Variants in RAB11B observed in about 807,000 individuals in gnomAD.
RAB11B encodes RAB11B, member RAS oncogene family, also known as ras-related protein Rab-11B.
Under a neutral mutation model 23.7 loss-of-function variants are expected in RAB11B, and 7 were observed. The observed-to-expected ratio is 0.29, with a 90% CI of 0.17 to 0.55. The LOEUF (loss-of-function observed/expected upper bound fraction) is 0.55, where lower values mean the gene tolerates loss of function less well. Ranked by LOEUF, RAB11B falls within the 20% of genes least tolerant of loss-of-function variation. The probability of loss-of-function intolerance (pLI) is 0.93; values close to 1 mark genes in which losing one functional copy is unlikely to be tolerated. For synonymous variants in RAB11B, 138 were observed against 132.0 expected (o/e 1.05, Z -0.31); for missense variants, 189 against 320.0 (o/e 0.59, Z 3.12).
chr19:8,399,026 C>T (rs1045377439), intron 1 of RAB11B, among the ~76,000 whole-genome samples: 2 of 151,658 alleles, frequency 1.3e-5, no homozygotes, highest in Admixed American at 6.6e-5. Context: ...GATCTCGGCT[C>T]ACTGCAAGCT....
At position 8,393,453 on chromosome 19, in the gene RAB11B, G is replaced by T. The variant is rs185623672; in HGVS notation, c.40+2997G>T. Among the ~76,000 whole-genome samples the T allele has an allele frequency of 1.4e-3, 215 of 152,342 alleles. 2 individuals are homozygous for T. Among genetic ancestry groups the T allele is most frequent in the Middle Eastern group, 0.01 (3 of 294 alleles). On this transcript the variant is annotated intron_variant, in intron 1 of 4. Coordinates refer to ENST00000328024, the MANE Select transcript of RAB11B (RefSeq NM_004218.4). ...CACCCCTCCCCTGCCCAAGGACAAG[G>T]TGGCCCCTGTCCCCAGGGAAGGGGC... is the stretch of plus-strand genomic sequence containing the variant.
At chr19:8,397,302 T>C (rs1971404616) in intron 1 of RAB11B, among the ~76,000 whole-genome samples, 1 of 152,024 alleles carries the variant, frequency 6.6e-6, no homozygotes, top group African/African-American at 2.4e-5. Flanking sequence ...TGGCTGGTAT[T>C]TACAGCCATG....
rs930018815 is a variant in RAB11B, at chr19:8,404,241, T to G, written c.*683T>G. ...GCAAGTGAAGCAATATCTCCGTGTT[T>G]TGTATATACAACCGCTCTTGTAGCC... On this transcript the variant is annotated 3_prime_UTR_variant, in exon 5 of 5. Coordinates refer to ENST00000328024, the MANE Select transcript of RAB11B (RefSeq NM_004218.4). 1.3e-5 allele frequency: 2 copies of G among 152,300 alleles called. No homozygotes were observed. The highest frequency in any genetic ancestry group is 4.8e-5 in the African/African-American group (2 of 41,432). 9.4% of individuals were successfully genotyped at this position (152,300 alleles called of 1,614,324 possible).
At chr19:8,402,445 C>T in intron 3 of RAB11B, 40 bp from the exon 4 acceptor site, 1 of 1,584,206 alleles carries the variant, frequency 6.3e-7, no homozygotes, top group Non-Finnish European at 8.7e-7. Flanking sequence ...AGCCTGTCAC[C>T]CTGCCTCCCC....
chr19:8,402,243 C>T lies in RAB11B; in HGVS notation c.394C>T (p.Arg132Trp), dbSNP rs765316562. 1 of 1,565,996 alleles carries T rather than the reference C, an allele frequency of 6.4e-7. No homozygotes were observed. Among genetic ancestry groups the T allele is most frequent in the Non-Finnish European group, 8.7e-7 (1 of 1,155,800 alleles). ...VGNKSDLRHL[R>W]AVPTDEARAF... ...CAACAAGAGTGACCTGCGCCACCTG[C>T]GGGCTGTGCCCACTGACGAGGCCCG... Residue 132 changes from arginine (R) to tryptophan (W), a missense_variant, in exon 3 of 5, where the codon CGG becomes TGG. Arg to Trp is a moderately radical substitution (Grantham distance 101, BLOSUM62 -3). Around this residue, in one of 5 missense-constraint regions of RAB11B, gnomAD observed 122 missense variants for 170.8 expected, o/e 0.71. Coordinates refer to ENST00000328024, the MANE Select transcript of RAB11B (RefSeq NM_004218.4).
chr19:8,398,256 C>T (rs1176750346), intron 1 of RAB11B, among the ~76,000 whole-genome samples: 2 of 152,244 alleles, frequency 1.3e-5, no homozygotes, highest in East Asian at 1.9e-4. Flanking sequence ...CTGCACACCC[C>T]GTGTCGACTG....
intron 4 of RAB11B, among the ~76,000 whole-genome samples, chr19:8,403,081 C>A (rs780071060): frequency 6.6e-6 from 1 of 152,224 alleles, no homozygotes; most frequent in African/African-American, 2.4e-5. Context: ...ACACAGAGAC[C>A]CCCTGGCCCC....
At chr19:8,391,947 T>C (rs1971358352) in intron 1 of RAB11B, among the ~76,000 whole-genome samples, 1 of 152,028 alleles carries the variant, frequency 6.6e-6, no homozygotes, top group South Asian at 2.1e-4. Flanking sequence ...ATAATGTCAC[T>C]GGTGGGTGAG....
In RAB11B at chr19:8,400,075, T is replaced by C; in HGVS notation, c.236+17T>C. On this transcript the variant is annotated intron_variant, in intron 2 of 4. Coordinates refer to ENST00000328024, the MANE Select transcript of RAB11B (RefSeq NM_004218.4). ...CACCTCCGCGTGCGTGTCGGCAGCC[T>C]GGGCAGGGACGCTGAGATTCGGGGG... 6.2e-7 allele frequency: 1 copy of C among 1,604,824 alleles called. No homozygotes were observed. The highest frequency in any genetic ancestry group is 8.5e-7 in the Non-Finnish European group (1 of 1,172,408).
In RAB11B at chr19:8,396,250, G is replaced by A. The variant is rs960738082; in HGVS notation, c.41-3613G>A. 1.3e-5 allele frequency among the ~76,000 whole-genome samples: 2 copies of A among 152,224 alleles called. No individual in the cohort carries two copies. The highest frequency in any genetic ancestry group is 6.5e-5 in the Admixed American group (1 of 15,284). ...TGCCCTCCTCACCTGTGGCCCAAGG[G>A]TGGTGACCTGGCATCCTCTAGGTAT... On this transcript the variant is annotated intron_variant, in intron 1 of 4. Transcript: ENST00000328024. This position sits in a 1 kb window ranked among gnomAD's most constrained non-coding sequence, Gnocchi z 5.0.
chr19:8,402,716 G>A, intron 4 of RAB11B, 151 bp downstream of exon 4: 3 of 652,480 alleles, frequency 4.6e-6, no homozygotes, highest in Non-Finnish European at 7.9e-6. Flanking sequence ...AGGCTGGAGT[G>A]TGGTGGCTCG....
At chr19:8,400,095 C>T (rs1377004689) in intron 2 of RAB11B, 37 bp downstream of exon 2, 12 of 1,598,112 alleles carry the variant, frequency 7.5e-6, no homozygotes, top group East Asian at 4.5e-5. Flanking sequence ...CGCTGAGATT[C>T]GGGGGCGTGG....
intron 1 of RAB11B, among the ~76,000 whole-genome samples, chr19:8,397,856 C>T (rs2145509984): frequency 6.6e-6 from 1 of 152,212 alleles, no homozygotes; most frequent in Non-Finnish European, 1.5e-5. Context: ...CCCATCTCTT[C>T]CCAGACAAGG....
At chr19:8,397,978 C>G (rs1379960854) in intron 1 of RAB11B, among the ~76,000 whole-genome samples, 1 of 152,122 alleles carries the variant, frequency 6.6e-6, no homozygotes, top group Non-Finnish European at 1.5e-5. Flanking sequence ...TGGGGGTCCA[C>G]GGGGCTTCTG....
intron 2 of RAB11B, 98 bp downstream of exon 2, chr19:8,400,156 G>C (rs1971426433): frequency 7.3e-7 from 1 of 1,372,730 alleles, no homozygotes; most frequent in Non-Finnish European, 1.0e-6. Context: ...GCAGGAGAAG[G>C]GGAGAGTGTG....
chr19:8,399,157 G>A (rs929970793), intron 1 of RAB11B, among the ~76,000 whole-genome samples: 6 of 152,126 alleles, frequency 3.9e-5, no homozygotes, highest in Non-Finnish European at 5.9e-5. Context: ...GTTTCACCAC[G>A]TTAGCCAGGA....
chr19:8,398,619 C>G (rs778021620), intron 1 of RAB11B, among the ~76,000 whole-genome samples: 1 of 152,136 alleles, frequency 6.6e-6, no homozygotes, highest in African/African-American at 2.4e-5. Context: ...CCATCTGTGC[C>G]GAAGCTGGAT....
Position 8,403,644 on chromosome 19 carries a change from T to C in RAB11B, c.*86T>C. On this transcript the variant is annotated 3_prime_UTR_variant, in exon 5 of 5. Coordinates refer to ENST00000328024, the MANE Select transcript of RAB11B (RefSeq NM_004218.4). Reference sequence around the variant, plus strand: ...CTGGCCCCTCCCTGCTGTCCCTCTGTGGCCGGCTCGTTCCAGCCCTCCCAG... The same window carrying C: ...CTGGCCCCTCCCTGCTGTCCCTCTGCGGCCGGCTCGTTCCAGCCCTCCCAG... 1 of 1,516,718 alleles carries C rather than the reference T, an allele frequency of 6.6e-7. No homozygotes were observed. Among genetic ancestry groups the C allele is most frequent in the Non-Finnish European group, 8.9e-7 (1 of 1,126,726 alleles). 94.0% of individuals were successfully genotyped at this position (1,516,718 alleles called of 1,614,324 possible). A position where few individuals can be genotyped will look rare whatever the true frequency, so the allele number is the denominator to read the frequency against.
At chr19:8,399,274 G>C (rs1971419932) in intron 1 of RAB11B, among the ~76,000 whole-genome samples, 1 of 152,076 alleles carries the variant, frequency 6.6e-6, no homozygotes, top group Admixed American at 6.6e-5. Flanking sequence ...TTTTTATAGA[G>C]ACGGGATTTC....
Sources: allele counts gnomAD v4.1 joint callset (sites outside exome capture counted in the v4.1 genomes callset), GRCh38; gene constraint gnomAD v4.1.1; regional missense constraint gnomAD v4.1.1; non-coding constraint Gnocchi (gnomAD v3.1); transcripts MANE v1.5; gene names NCBI Gene and HGNC (gene_info 2026-07-23, HGNC 2026-07-21).